The following CACNA1A variants were observed in gnomAD, a reference collection of about 807,000 sequenced individuals.
CACNA1A encodes voltage-dependent P/Q-type calcium channel subunit alpha-1A.
A neutral mutation model predicts 262.4 loss-of-function variants in CACNA1A; 57 were observed. The ratio of observed to expected loss-of-function variants is 0.22; its 90% CI spans 0.18 to 0.27. The LOEUF (loss-of-function observed/expected upper bound fraction) is 0.27, where lower values mean the gene tolerates loss of function less well. Ranked by LOEUF, CACNA1A falls within the 10% of genes least tolerant of loss-of-function variation. The pLI is 1.00. For missense variants in CACNA1A, 2,526 were observed against 3,562.8 expected (o/e 0.71, Z 7.41); for synonymous variants, 1,431 against 1,419.3 (o/e 1.01, Z -0.18).
Position 13,299,228 on chromosome 19 carries a change from C to T in CACNA1A, c.2405G>A (p.Arg802His). 1 of 1,610,586 alleles carries T rather than the reference C, an allele frequency of 6.2e-7. No homozygotes were observed. Among genetic ancestry groups the T allele is most frequent in the Non-Finnish European group, 8.5e-7 (1 of 1,179,862 alleles). The change falls in exon 19 of 47, where the codon CGC (arginine) becomes CAC (histidine). Residue 802 changes from arginine to histidine, a missense_variant. Arg to His is a conservative substitution (Grantham distance 29, BLOSUM62 0). Coordinates refer to ENST00000360228, the MANE Select transcript of CACNA1A (RefSeq NM_001127222.2). ...ALYNEMDPDE[R>H]WKAAYTRHLR... ...GTGCCGCGTGTAGGCAGCCTTCCAG[C>T]GCTCGTCCGGGTCCATTTCGTTATA...
chr19:13,475,776 G>C (rs1978455849), intron 1 of CACNA1A, among the ~76,000 whole-genome samples: 2 of 152,104 alleles, frequency 1.3e-5, no homozygotes, highest in African/African-American at 4.8e-5. Flanking sequence ...TGGAGGCAGG[G>C]GGCAGAAGGA....
chr19:13,274,987 T>C (rs865843806), intron 24 of CACNA1A: 14 of 151,872 alleles, frequency 9.2e-5, no homozygotes, highest in African/African-American at 3.4e-4. Flanking sequence ...AGAACTTGGA[T>C]GCCACCTTGG....
rs780458900 is a variant in CACNA1A at position 13,253,063 on chromosome 19, C to T, written c.4794G>A (p.Arg1598=). The part of the protein sequence containing the change: ...GASVAYENAL[R]VFNIVFTSLF... Reference sequence around the variant, plus strand: ...GGGAGGTGAAGACGATGTTGAACACCCGCAGGGCATTTTCATAAGCAACAG... The same window carrying T: ...GGGAGGTGAAGACGATGTTGAACACTCGCAGGGCATTTTCATAAGCAACAG... Residue 1598 remains arginine (R), a synonymous_variant, in exon 30 of 47, where the codon CGG becomes CGA. Transcript: ENST00000360228. 6.2e-7 allele frequency: 1 copy of T among 1,613,712 alleles called. No homozygotes were observed. Among genetic ancestry groups the T allele is most frequent in the Non-Finnish European group, 8.5e-7 (1 of 1,179,666 alleles).
At chr19:13,226,703 T>C (rs1423682845) in intron 37 of CACNA1A, 1 of 152,480 alleles carries the variant, frequency 6.6e-6, no homozygotes, top group East Asian at 1.9e-4. Context: ...TCGGCCATGG[T>C]GCCTGCCCGC....
At chr19:13,502,954 A>G (rs1006642031) in intron 1 of CACNA1A, among the ~76,000 whole-genome samples, 2 of 152,198 alleles carry the variant, frequency 1.3e-5, no homozygotes, top group Non-Finnish European at 2.9e-5. Context: ...CCTGCTTTCC[A>G]TATCGACCTG....
chr19:13,397,423 G>A (rs1035222232), intron 3 of CACNA1A, among the ~76,000 whole-genome samples: 2 of 152,200 alleles, frequency 1.3e-5, no homozygotes, highest in African/African-American at 4.8e-5. Flanking sequence ...TGTCCTAAGG[G>A]TGGAAGAAGA....
Position 13,208,974 on chromosome 19 carries a change from C to T in CACNA1A, c.6562G>A (p.Gly2188Arg), listed in dbSNP as rs965819293. ...GTDLSMTTQSGDLPSKERDQE... is the reference protein window; with the variant it reads ...GTDLSMTTQSRDLPSKERDQE... ...TCCCGCTCCTTCGACGGCAGGTCCC[C>T]GGATTGGGTGGTCATGCTCAGGTCT... The change falls in exon 46 of 47, where the codon GGG (glycine) becomes AGG (arginine). Residue 2188 changes from glycine (G) to arginine (R), a missense_variant. Coordinates refer to ENST00000360228, the MANE Select transcript of CACNA1A (RefSeq NM_001127222.2). The T allele has an allele frequency of 3.9e-6, 6 of 1,537,312 alleles. No individual in the cohort carries two copies. Among genetic ancestry groups the T allele is most frequent in the South Asian group, 3.6e-5 (3 of 84,064 alleles).
chr19:13,389,550 C>T (rs568739130), intron 3 of CACNA1A, among the ~76,000 whole-genome samples: 9 of 152,254 alleles, frequency 5.9e-5, no homozygotes, highest in African/African-American at 9.6e-5. Flanking sequence ...GTGCCCGCAT[C>T]GCTGGAAACC....
intron 6 of CACNA1A, among the ~76,000 whole-genome samples, chr19:13,347,063 T>TTG (rs1159811298): frequency 5.2e-5 from 7 of 135,814 alleles, no homozygotes; most frequent in Non-Finnish European, 9.2e-5. Flanking sequence ...TTTTTTGTTT[T>TTG]TTTGTTTTTT....
chr19:13,376,849 AAC>A (rs1199754436), intron 3 of CACNA1A, among the ~76,000 whole-genome samples: 2 of 146,154 alleles, frequency 1.4e-5, no homozygotes, highest in South Asian at 2.1e-4. Context: ...TGTGATATAT[AAC>A]ACATATGTTA....
chr19:13,276,074 T>A (rs2057140564), intron 23 of CACNA1A, 118 bp from the exon 24 acceptor site: 1 of 652,744 alleles, frequency 1.5e-6, no homozygotes, highest in South Asian at 1.8e-5. Context: ...CACCTCATCT[T>A]GCAGGGATGG....
At chr19:13,414,938 G>C (rs1365054578) in intron 3 of CACNA1A, among the ~76,000 whole-genome samples, 4 of 152,036 alleles carry the variant, frequency 2.6e-5, no homozygotes, top group Non-Finnish European at 5.9e-5. Flanking sequence ...ACTCGAGCCT[G>C]GGTGAAAAAG....
chr19:13,480,811 T>C (rs1979199166), intron 1 of CACNA1A, among the ~76,000 whole-genome samples: 1 of 152,218 alleles, frequency 6.6e-6, no homozygotes, highest in South Asian at 2.1e-4. Flanking sequence ...AATGGTTTAT[T>C]ACTATTATAA....
chr19:13,357,965 C>T (rs1195678181), intron 6 of CACNA1A, among the ~76,000 whole-genome samples: 3 of 152,050 alleles, frequency 2.0e-5, no homozygotes, highest in Non-Finnish European at 4.4e-5. Context: ...TATGATTACA[C>T]CACTGCGCTC....
chr19:13,296,361 G>T (rs564008953), intron 19 of CACNA1A, among the ~76,000 whole-genome samples: 1 of 152,112 alleles, frequency 6.6e-6, no homozygotes, highest in African/African-American at 2.4e-5. Flanking sequence ...TATAAAAGAG[G>T]ACTAAGAGCA....
Position 13,506,261 on chromosome 19 carries a change from CGAACGATGCGGA to C in CACNA1A, c.-49_-38del. The C allele has an allele frequency of 1.4e-6, 2 of 1,409,168 alleles. No homozygotes were observed. The highest frequency in any genetic ancestry group is 1.8e-6 in the Non-Finnish European group (2 of 1,093,606). 87.3% of individuals were successfully genotyped at this position (1,409,168 alleles called of 1,614,324 possible). A position where few individuals can be genotyped will look rare whatever the true frequency, so the allele number is the denominator to read the frequency against. On this transcript the variant is annotated 5_prime_UTR_variant, in exon 1 of 47. Coordinates refer to ENST00000360228, the MANE Select transcript of CACNA1A (RefSeq NM_001127222.2). ...CAAAGGGCTCCGGGTTACGCTGCGGCGAACGATGCGGAAGACGCCGCCGCCGCCGCCGCCGCC... is the reference window on the plus strand; with the variant it reads ...CAAAGGGCTCCGGGTTACGCTGCGGCAGACGCCGCCGCCGCCGCCGCCGCC...
At chr19:13,435,440 G>A (rs1034157178) in intron 3 of CACNA1A, among the ~76,000 whole-genome samples, 7 of 151,936 alleles carry the variant, frequency 4.6e-5, no homozygotes, top group Non-Finnish European at 1.5e-5. Context: ...ATGTGAGAAC[G>A]GGCTAATACA....
intron 3 of CACNA1A, among the ~76,000 whole-genome samples, chr19:13,414,050 C>T (rs1350236751): frequency 6.6e-6 from 1 of 150,684 alleles, no homozygotes; most frequent in Non-Finnish European, 1.5e-5. Context: ...ATAGTGGGAC[C>T]CCATCTCTAC....
chr19:13,424,935 G>T (rs539321355), intron 3 of CACNA1A, among the ~76,000 whole-genome samples: 1 of 152,112 alleles, frequency 6.6e-6, no homozygotes, highest in Non-Finnish European at 1.5e-5. Flanking sequence ...CTCCCAAGTA[G>T]CTGGGATTAC....
Sources: allele counts gnomAD v4.1 joint callset (sites outside exome capture counted in the v4.1 genomes callset), GRCh38; gene constraint gnomAD v4.1.1; transcripts MANE v1.5; gene names NCBI Gene and HGNC (gene_info 2026-07-23, HGNC 2026-07-21).